Variants in SORCS1 observed in about 807,000 individuals in gnomAD.
SORCS1 encodes VPS10 domain-containing receptor SorCS1.
SORCS1 carries 60 observed loss-of-function variants against 146.1 expected under a neutral mutation model. The ratio of observed to expected loss-of-function variants is 0.41; its 90% CI spans 0.33 to 0.51. The LOEUF is 0.51. Among genes scored for constraint, SORCS1 ranks in the 20% least tolerant of loss-of-function variants. SORCS1 has a pLI of 0.21. For synonymous variants in SORCS1, 637 were observed against 584.0 expected (o/e 1.09, Z -1.31); for missense variants, 1,352 against 1,487.6 (o/e 0.91, Z 1.50).
chr10:106,606,976 C>T (rs977302793), intron 23 of SORCS1, among the ~76,000 whole-genome samples, 190 bp downstream of exon 23: 5 of 152,164 alleles, frequency 3.3e-5, no homozygotes, highest in African/African-American at 1.2e-4. Flanking sequence ...TATAAATTAC[C>T]CAGTCTTGGG....
chr10:106,910,566 A>G (rs181274610), intron 2 of SORCS1, among the ~76,000 whole-genome samples: 9 of 152,334 alleles, frequency 5.9e-5, no homozygotes, highest in Admixed American at 2.6e-4. Flanking sequence ...TACCAATGAT[A>G]TAAGTTAATA....
At chr10:106,779,974 T>C (rs1243295194) in intron 3 of SORCS1, among the ~76,000 whole-genome samples, 1 of 152,232 alleles carries the variant, frequency 6.6e-6, no homozygotes, top group Non-Finnish European at 1.5e-5. Context: ...ATTTTAGTCT[T>C]AAATTCAAAT....
the SORCS1 span, among the ~76,000 whole-genome samples, chr10:107,176,327 C>CTCTCTT: frequency 2.1e-5 from 3 of 146,340 alleles, no homozygotes; most frequent in Non-Finnish European, 3.0e-5. Flanking sequence ...CTCTCTCTCT[C>CTCTCTT]TCTTTCTTTT....
chr10:106,694,517 G>A (rs1033349129), intron 9 of SORCS1, among the ~76,000 whole-genome samples: 2 of 152,160 alleles, frequency 1.3e-5, no homozygotes, highest in Non-Finnish European at 2.9e-5. Flanking sequence ...AAAGTGCTGG[G>A]ATTACAAGCA....
intron 6 of SORCS1, among the ~76,000 whole-genome samples, chr10:106,723,873 T>A (rs1463307193): frequency 1.3e-5 from 2 of 152,182 alleles, no homozygotes; most frequent in East Asian, 3.8e-4. Context: ...CAGAATGTTT[T>A]TAATGCATAA....
intron 1 of SORCS1, among the ~76,000 whole-genome samples, chr10:107,089,165 T>C (rs944786380): frequency 3.3e-5 from 5 of 152,196 alleles, no homozygotes; most frequent in African/African-American, 1.2e-4. Context: ...GACAAACCTT[T>C]TATTTTTTTT....
At chr10:107,038,308 G>A (rs1958992957) in intron 1 of SORCS1, among the ~76,000 whole-genome samples, 2 of 149,670 alleles carry the variant, frequency 1.3e-5, no homozygotes, top group Admixed American at 1.3e-4. Context: ...AAAAACGTAG[G>A]GAGAAGCAGC....
chr10:106,862,849 T>TTAATGC (rs902863869), intron 2 of SORCS1, among the ~76,000 whole-genome samples: 1 of 150,274 alleles, frequency 6.7e-6, no homozygotes, highest in African/African-American at 2.5e-5. Context: ...AGCTGAGACT[T>TTAATGC]AGATTAAAGT....
At chr10:106,891,733 C>T (rs1951246103) in intron 2 of SORCS1, among the ~76,000 whole-genome samples, 1 of 151,922 alleles carries the variant, frequency 6.6e-6, no homozygotes, top group African/African-American at 2.4e-5. Context: ...TTAAAAAAGA[C>T]CAAAAGGAAT....
At chr10:106,987,496 A>C (rs1956532527) in intron 1 of SORCS1, among the ~76,000 whole-genome samples, 2 of 152,192 alleles carry the variant, frequency 1.3e-5, no homozygotes, top group South Asian at 4.1e-4. Context: ...GCTACTCTGG[A>C]AGCCCCACGT....
chr10:106,680,479 C>T (rs1182424318), intron 10 of SORCS1, among the ~76,000 whole-genome samples: 1 of 152,090 alleles, frequency 6.6e-6, no homozygotes, highest in Admixed American at 6.6e-5. Context: ...AGTATCTCTA[C>T]CAGGATATTA....
Position 106,603,400 on chromosome 10 carries a change from G to A in SORCS1, c.3165+3766C>T, listed in dbSNP as rs562684016. ...AGAGGTCACTCGATTAACCCAGCCC[G>A]CCTCATCCTGATAACAGGGTCAAGT... On this transcript the variant is annotated intron_variant, in intron 23 of 25. Transcript: ENST00000263054. Among the ~76,000 whole-genome samples the A allele has an allele frequency of 7.9e-5, 12 of 152,290 alleles. No individual in the cohort carries two copies. The South Asian group carries it at 1.4e-3, about 18-fold the overall frequency.
chr10:107,068,828 C>T (rs1962153989), intron 1 of SORCS1, among the ~76,000 whole-genome samples: 1 of 151,214 alleles, frequency 6.6e-6, no homozygotes, highest in South Asian at 2.1e-4. Context: ...AGAGATCGTG[C>T]CACTGCACTC....
chr10:106,649,930 C>T (rs1849737062), intron 18 of SORCS1, among the ~76,000 whole-genome samples: 2 of 152,116 alleles, frequency 1.3e-5, no homozygotes, highest in South Asian at 4.2e-4. Flanking sequence ...TTTATTTTTA[C>T]AATTTCTATT....
intron 2 of SORCS1, among the ~76,000 whole-genome samples, chr10:106,913,510 A>T (rs747366687): frequency 2.6e-5 from 4 of 152,226 alleles, no homozygotes; most frequent in Non-Finnish European, 4.4e-5. Context: ...GCTATTGGGG[A>T]TTCCTGAATG....
intron 1 of SORCS1, among the ~76,000 whole-genome samples, chr10:107,050,730 G>C (rs1204075179): frequency 2.0e-4 from 31 of 152,056 alleles, no homozygotes; most frequent in Admixed American, 2.0e-3. Context: ...AATGGGACTG[G>C]GTATTTTCTT....
intron 1 of SORCS1, among the ~76,000 whole-genome samples, chr10:106,988,571 G>A (rs927692397): frequency 6.6e-6 from 1 of 152,010 alleles, no homozygotes; most frequent in Non-Finnish European, 1.5e-5. Flanking sequence ...TCTGCAAGAA[G>A]GTCACCTTTT....
chr10:106,896,025 A>G (rs1951461155), intron 2 of SORCS1, among the ~76,000 whole-genome samples: 1 of 152,202 alleles, frequency 6.6e-6, no homozygotes, highest in Admixed American at 6.5e-5. Context: ...ATGTTAGAAC[A>G]TAGATGGAAC....
chr10:106,764,082 C>T (rs111978048), intron 4 of SORCS1, among the ~76,000 whole-genome samples: 3 of 152,238 alleles, frequency 2.0e-5, no homozygotes, highest in African/African-American at 7.2e-5. Flanking sequence ...TGTTTTGCTT[C>T]CATGGATTTA....
Sources: allele counts gnomAD v4.1 joint callset (sites outside exome capture counted in the v4.1 genomes callset), GRCh38; gene constraint gnomAD v4.1.1; transcripts MANE v1.5; gene names NCBI Gene and HGNC (gene_info 2026-07-23, HGNC 2026-07-21).